Variants in TGM3 observed in about 807,000 individuals in gnomAD.
The protein encoded by TGM3 is transglutaminase 3.
In TGM3, 52 loss-of-function variants were observed where a neutral mutation model predicts 73.8. The ratio of observed to expected loss-of-function variants is 0.70; its 90% CI spans 0.56 to 0.89. The LOEUF is 0.89. Among genes scored for constraint, TGM3 ranks in the 40% least tolerant of loss-of-function variants. The pLI is 0.00. For synonymous variants in TGM3, 372 were observed against 354.9 expected (o/e 1.05, Z -0.54); for missense variants, 928 against 909.9 (o/e 1.02, Z -0.26).
At position 2,325,940 on chromosome 20, in the gene TGM3, G is replaced by A. The variant is rs1259803578; in HGVS notation, c.1075G>A (p.Glu359Lys). The A allele has an allele frequency of 6.3e-7, 1 of 1,593,156 alleles. No individual in the cohort carries two copies. The highest frequency in any genetic ancestry group is 1.1e-5 in the South Asian group (1 of 87,834). Residue 359 changes from glutamate to lysine, a missense_variant, in exon 8 of 13, where the codon GAA becomes AAA. Coordinates refer to ENST00000381458, the MANE Select transcript of TGM3 (RefSeq NM_003245.4). ...GCAGGTGTTGGATGCTACCCCGCAG[G>A]AAAGAAGCCAAGGTAACTTCTCTGG... ...GWQVLDATPQ[E>K]RSQGVFQCGP...
chr20:2,324,918 G>C (rs755217297), intron 7 of TGM3, among the ~76,000 whole-genome samples: 1 of 152,070 alleles, frequency 6.6e-6, no homozygotes, highest in Non-Finnish European at 1.5e-5. Context: ...TATGCAAAAG[G>C]ATTCATCTGT....
chr20:2,317,027 C>CAT, intron 5 of TGM3, 41 bp from the exon 6 acceptor site: 1 of 1,606,154 alleles, frequency 6.2e-7, no homozygotes, highest in Admixed American at 1.7e-5. Context: ...CTAGGAAAGG[C>CAT]ATTAGTGCTG....
intron 1 of TGM3, among the ~76,000 whole-genome samples, chr20:2,307,124 A>G (rs541301186): frequency 6.6e-6 from 1 of 152,266 alleles, no homozygotes; most frequent in African/African-American, 2.4e-5. Context: ...CTATTAATTT[A>G]TTCTTTCAAT....
chr20:2,332,388 G>C lies in TGM3; in HGVS notation c.1642+78G>C, dbSNP rs2084326401. Reference sequence around the variant, plus strand: ...CTTCTGGGGCTGCAGGGTGTCTGCTGGGCTCCAGGTTAGTCAGCTACGAAT... The same window carrying C: ...CTTCTGGGGCTGCAGGGTGTCTGCTCGGCTCCAGGTTAGTCAGCTACGAAT... On this transcript the variant is annotated intron_variant, in intron 10 of 12. Transcript: ENST00000381458. This position sits in a 1 kb window ranked among gnomAD's most constrained non-coding sequence, Gnocchi z 4.4. The C allele has an allele frequency of 7.2e-7, 1 of 1,397,496 alleles. No individual in the cohort carries two copies. 86.6% of individuals were successfully genotyped at this position (1,397,496 alleles called of 1,614,324 possible).
At chr20:2,313,988 A>G (rs2084220599) in intron 5 of TGM3, among the ~76,000 whole-genome samples, 1 of 146,538 alleles carries the variant, frequency 6.8e-6, no homozygotes, top group Non-Finnish European at 1.5e-5. Context: ...CAACATGGCA[A>G]AACCCTGTCT....
intron 7 of TGM3, among the ~76,000 whole-genome samples, 182 bp downstream of exon 7, chr20:2,317,667 T>C (rs1334644214): frequency 6.6e-6 from 1 of 151,828 alleles, no homozygotes; most frequent in Non-Finnish European, 1.5e-5. Flanking sequence ...AAGACACCTC[T>C]TCTCGGTGCT....
intron 10 of TGM3, among the ~76,000 whole-genome samples, chr20:2,333,746 A>G (rs762615525): frequency 1.4e-5 from 2 of 142,932 alleles, no homozygotes; most frequent in Non-Finnish European, 3.0e-5. Flanking sequence ...GGAAATAGTT[A>G]AAAAAAAACC....
intron 7 of TGM3, among the ~76,000 whole-genome samples, chr20:2,323,155 C>T (rs2084270392): frequency 6.6e-6 from 1 of 151,866 alleles, no homozygotes; most frequent in African/African-American, 2.4e-5. Context: ...TTTGTTGCAC[C>T]CATCTCCTGA....
chr20:2,325,812 C>G (rs764401329), intron 7 of TGM3, 37 bp from the exon 8 acceptor site: 10 of 1,465,496 alleles, frequency 6.8e-6, no homozygotes, highest in Middle Eastern at 1.7e-4. Flanking sequence ...GCTGTGTGGT[C>G]TTGGGCAAGC....
At chr20:2,323,419 T>C (rs1239317845) in intron 7 of TGM3, among the ~76,000 whole-genome samples, 1 of 152,272 alleles carries the variant, frequency 6.6e-6, no homozygotes, top group African/African-American at 2.4e-5. Context: ...GATATCCCAT[T>C]CCATGGCTCT....
chr20:2,306,496 A>G (rs1435719418), intron 1 of TGM3, among the ~76,000 whole-genome samples: 2 of 80,736 alleles, frequency 2.5e-5, no homozygotes, highest in Non-Finnish European at 5.7e-5. Flanking sequence ...TTTCATTTTG[A>G]GATGGAATCT....
intron 5 of TGM3, among the ~76,000 whole-genome samples, chr20:2,315,869 C>G (rs2084230670): frequency 6.6e-6 from 1 of 152,192 alleles, no homozygotes; most frequent in African/African-American, 2.4e-5. Context: ...GTCTCCTTCT[C>G]TCTTTTAACT....
At chr20:2,304,821 A>G (rs981409813) in intron 1 of TGM3, among the ~76,000 whole-genome samples, 1 of 152,102 alleles carries the variant, frequency 6.6e-6, no homozygotes, top group Non-Finnish European at 1.5e-5. Flanking sequence ...GTCCCACAAC[A>G]CTGCCCCCAC....
At chr20:2,300,000 G>A (rs185917310) in intron 1 of TGM3, among the ~76,000 whole-genome samples, 418 of 152,110 alleles carry the variant, frequency 2.7e-3, no homozygotes, top group Middle Eastern at 0.01. Flanking sequence ...GGAGGCTGAG[G>A]TTACAGTGAG....
rs1367501334 is a variant in TGM3, at chr20:2,332,389, G to C, written c.1642+79G>C. On this transcript the variant is annotated intron_variant, in intron 10 of 12. Coordinates refer to ENST00000381458, the MANE Select transcript of TGM3 (RefSeq NM_003245.4). This position sits in a 1 kb window ranked among gnomAD's most constrained non-coding sequence, Gnocchi z 4.4. ...TTCTGGGGCTGCAGGGTGTCTGCTG[G>C]GCTCCAGGTTAGTCAGCTACGAATG... 2 of 1,390,990 alleles carry C rather than the reference G, an allele frequency of 1.4e-6. No individual in the cohort carries two copies. The highest frequency in any genetic ancestry group is 2.9e-5 in the African/African-American group (2 of 68,890). The allele number at this position is 1,390,990 out of a possible 1,614,324, so 86.2% of individuals were successfully genotyped here.
At chr20:2,326,678 G>A (rs112763701) in intron 8 of TGM3, among the ~76,000 whole-genome samples, 17,836 of 152,050 alleles carry the variant, frequency 0.12, 2,249 homozygotes, top group African/African-American at 0.32. Flanking sequence ...GTGAAACCCC[G>A]TCTCTAGTAA....
At chr20:2,297,541 ACT>A (rs1267619663) in intron 1 of TGM3, among the ~76,000 whole-genome samples, 1 of 152,002 alleles carries the variant, frequency 6.6e-6, no homozygotes, top group Admixed American at 6.6e-5. Flanking sequence ...CCTCCCGTGG[ACT>A]CTCAGGAATG....
At position 2,310,402 on chromosome 20, in the gene TGM3, A is replaced by T; in HGVS notation, c.406A>T (p.Asn136Tyr). Residue 136 changes from asparagine (N) to tyrosine (Y), a missense_variant, in exon 3 of 13, where the codon AAC becomes TAC. Transcript: ENST00000381458. Reference protein sequence around the residue: ...VKLGTFILLFNPWLNVDSVFM... With the variant: ...VKLGTFILLFYPWLNVDSVFM... ...ACTTGGGACGTTCATACTGCTTTTT[A>T]ACCCCTGGCTGAATGGTAGGTGTCT... The T allele has an allele frequency of 1.2e-6, 2 of 1,614,152 alleles. No individual in the cohort carries two copies. Among genetic ancestry groups the T allele is most frequent in the Non-Finnish European group, 1.7e-6 (2 of 1,180,012 alleles).
rs2084214612 is a variant in TGM3, at chr20:2,312,948, G to A, written c.591G>A (p.Leu197=). The A allele has an allele frequency of 1.2e-6, 2 of 1,614,202 alleles. No homozygotes were observed. Among genetic ancestry groups the A allele is most frequent in the East Asian group, 4.5e-5 (2 of 44,876 alleles). ...GCCTCTCAATCTTGGATAGGAGTCT[G>A]AATTTCCGCCGTGACGCTGCTACTG... ...SICLSILDRS[L]NFRRDAATDV... Residue 197 remains leucine (L), a synonymous_variant, in exon 5 of 13, where the codon CTG becomes CTA. Transcript: ENST00000381458.
Sources: gnomAD v4.1 joint callset for allele counts (sites outside exome capture counted in the v4.1 genomes callset) on GRCh38, gnomAD v4.1.1 for gene constraint, Gnocchi (gnomAD v3.1) non-coding constraint, MANE v1.5 for transcripts, NCBI Gene and HGNC (gene_info 2026-07-23, HGNC 2026-07-21) for gene names.